The following LRRC4C variants were observed in gnomAD, a reference collection of about 807,000 sequenced individuals.
The protein encoded by LRRC4C is leucine rich repeat containing 4C.
A neutral mutation model predicts 33.6 loss-of-function variants in LRRC4C; 5 were observed. The ratio of observed to expected loss-of-function variants is 0.15; its 90% CI spans 0.08 to 0.31. The LOEUF (loss-of-function observed/expected upper bound fraction) is 0.31. Ranked by LOEUF, LRRC4C falls within the 10% of genes least tolerant of loss-of-function variation. The pLI, the probability that LRRC4C is intolerant of heterozygous loss-of-function variation, is 1.00. For missense variants in LRRC4C, 560 were observed against 796.7 expected, an observed-to-expected ratio of 0.70 and a Z score of 3.58; for synonymous variants, 329 against 302.0, an observed-to-expected ratio of 1.09 and a Z score of -0.93.
At chr11:40,974,937 C>A (rs993307804) in intron 1 of LRRC4C, among the ~76,000 whole-genome samples, 1 of 152,144 alleles carries the variant, frequency 6.6e-6, no homozygotes, top group African/African-American at 2.4e-5. Flanking sequence ...AGCCTTTTCC[C>A]TCAGACTGAG....
At chr11:40,197,853 C>T (rs375760607) in intron 5 of LRRC4C, among the ~76,000 whole-genome samples, 4 of 152,204 alleles carry the variant, frequency 2.6e-5, no homozygotes, top group East Asian at 1.9e-4. Flanking sequence ...ATCTAGTCAG[C>T]CCTAGATCAA....
chr11:41,105,394 G>A (rs112807251), intron 1 of LRRC4C, among the ~76,000 whole-genome samples: 11 of 151,948 alleles, frequency 7.2e-5, no homozygotes, highest in African/African-American at 2.2e-4. Flanking sequence ...ACATCACTAC[G>A]CACATAATCT....
At chr11:40,225,514 A>G (rs1293698409) in intron 5 of LRRC4C, among the ~76,000 whole-genome samples, 1 of 152,158 alleles carries the variant, frequency 6.6e-6, no homozygotes, top group African/African-American at 2.4e-5. Context: ...CTAGTGGAAG[A>G]TACAGATGTT....
chr11:41,129,027 A>G (rs1374627422), intron 1 of LRRC4C, among the ~76,000 whole-genome samples: 1 of 152,052 alleles, frequency 6.6e-6, no homozygotes, highest in Non-Finnish European at 1.5e-5. Flanking sequence ...AAAGCAAATG[A>G]TTAAACTCTT....
intron 3 of LRRC4C, among the ~76,000 whole-genome samples, chr11:40,489,579 T>C (rs925852586): frequency 3.3e-5 from 5 of 152,160 alleles, no homozygotes; most frequent in Non-Finnish European, 7.3e-5. Flanking sequence ...CTGTAGTTTC[T>C]AGTACCTGGA....
chr11:40,694,936 G>C (rs906913572), intron 2 of LRRC4C, among the ~76,000 whole-genome samples: 7 of 151,512 alleles, frequency 4.6e-5, no homozygotes, highest in Admixed American at 3.3e-4. Flanking sequence ...TTTTCCAGCC[G>C]TTTGTTTCTT....
chr11:40,822,671 T>C (rs1320421854), intron 2 of LRRC4C, among the ~76,000 whole-genome samples: 2 of 151,842 alleles, frequency 1.3e-5, no homozygotes, highest in Non-Finnish European at 2.9e-5. Context: ...CAGAAGCTTT[T>C]TAATTTAATA....
chr11:40,658,366 T>C (rs1943242556), intron 2 of LRRC4C, among the ~76,000 whole-genome samples: 1 of 152,204 alleles, frequency 6.6e-6, no homozygotes, highest in Non-Finnish European at 1.5e-5. Flanking sequence ...TCTTATCTCT[T>C]TTGGCAGTAG....
chr11:40,627,270 A>AGCGC (rs1565574393), intron 3 of LRRC4C, among the ~76,000 whole-genome samples: 2 of 65,710 alleles, frequency 3.0e-5, no homozygotes, highest in Non-Finnish European at 6.8e-5. Flanking sequence ...AGAGAGAGAG[A>AGCGC]GAGAGCGAGA....
At chr11:40,696,124 C>T (rs1945497452) in intron 2 of LRRC4C, among the ~76,000 whole-genome samples, 4 of 145,458 alleles carry the variant, frequency 2.7e-5, no homozygotes, top group African/African-American at 1.0e-4. Context: ...TACTCATTCA[C>T]CATTTTAAAT....
chr11:41,433,727 C>T (rs1955323646), intron 1 of LRRC4C, among the ~76,000 whole-genome samples: 1 of 152,034 alleles, frequency 6.6e-6, no homozygotes, highest in African/African-American at 2.4e-5. Context: ...TTCCTTGCTC[C>T]TCAGCTTGCA....
chr11:40,438,687 G>A (rs1951249260), intron 3 of LRRC4C, among the ~76,000 whole-genome samples: 1 of 152,116 alleles, frequency 6.6e-6, no homozygotes, highest in African/African-American at 2.4e-5. Flanking sequence ...AGATGAATTT[G>A]GGCCCATCAT....
At chr11:41,324,354 C>T (rs1458247514) in intron 1 of LRRC4C, among the ~76,000 whole-genome samples, 1 of 152,112 alleles carries the variant, frequency 6.6e-6, no homozygotes, top group African/African-American at 2.4e-5. Flanking sequence ...TGCTTGAACC[C>T]GGGAGGCAGA....
intron 2 of LRRC4C, among the ~76,000 whole-genome samples, chr11:40,883,028 A>G (rs2136038756): frequency 6.6e-6 from 1 of 152,200 alleles, no homozygotes; most frequent in East Asian, 1.9e-4. Flanking sequence ...CAAGTTTAAA[A>G]GGCTTTGGAA....
intron 2 of LRRC4C, among the ~76,000 whole-genome samples, chr11:40,874,692 G>A (rs976815119): frequency 3.9e-5 from 6 of 152,306 alleles, no homozygotes; most frequent in Admixed American, 6.5e-5. Context: ...AGACTCATAT[G>A]AGAAGCTTTG....
intron 1 of LRRC4C, chr11:41,223,084 T>C: frequency 6.6e-6 from 1 of 152,144 alleles, no homozygotes; most frequent in East Asian, 1.9e-4. Flanking sequence ...TAAAAAACGC[T>C]AGCTATGATT....
At chr11:40,887,321 C>T (rs1198887178) in intron 2 of LRRC4C, among the ~76,000 whole-genome samples, 1 of 152,016 alleles carries the variant, frequency 6.6e-6, no homozygotes, top group African/African-American at 2.4e-5. Context: ...ATATTAGTCT[C>T]TGTTCATTCC....
intron 3 of LRRC4C, among the ~76,000 whole-genome samples, chr11:40,505,664 C>T (rs1288422172): frequency 6.6e-6 from 1 of 152,116 alleles, no homozygotes; most frequent in African/African-American, 2.4e-5. Flanking sequence ...CAGGCATTGG[C>T]CCATGAATGC....
rs1251371854 is a variant in LRRC4C at position 40,610,477 on chromosome 11, C to T, written c.-270+37665G>A. Among the ~76,000 whole-genome samples, 3 of 151,618 alleles carry T rather than the reference C, an allele frequency of 2.0e-5. No individual in the cohort carries two copies. In the East Asian group the frequency reaches 5.8e-4, roughly 29 times the overall value. On this transcript the variant is annotated intron_variant, in intron 3 of 6. Transcript: ENST00000528697. The stretch of plus-strand genomic sequence containing the variant: ...TGAGATTACAAACAAGGCAAGTATG[C>T]CCACTCTCACCACATCTATTAAACA...
Sources: gnomAD v4.1 joint callset for allele counts (sites outside exome capture counted in the v4.1 genomes callset) on GRCh38, gnomAD v4.1.1 for gene constraint, MANE v1.5 for transcripts, NCBI Gene and HGNC (gene_info 2026-07-23, HGNC 2026-07-21) for gene names.